The following CAMKMT variants were observed in gnomAD, a reference collection of about 807,000 sequenced individuals.
CAMKMT encodes CaM KMT.
A neutral mutation model predicts 48.0 loss-of-function variants in CAMKMT; 53 were observed. That is an observed-to-expected ratio of 1.10 (90% CI 0.89 to 1.39). The LOEUF is 1.39. Among genes scored for constraint, CAMKMT ranks in the 40% most tolerant of loss-of-function variants. The pLI, the probability that CAMKMT is intolerant of heterozygous loss-of-function variation, is 0.00. For synonymous variants in CAMKMT, 165 were observed against 152.3 expected, an observed-to-expected ratio of 1.08 and a Z score of -0.61; for missense variants, 428 against 402.7, an observed-to-expected ratio of 1.06 and a Z score of -0.54.
At chr2:44,755,474 T>C (rs1680332512) in intron 9 of CAMKMT, among the ~76,000 whole-genome samples, 1 of 152,218 alleles carries the variant, frequency 6.6e-6, no homozygotes, top group African/African-American at 2.4e-5. Context: ...TATGAAAATG[T>C]ATCATACATA....
At chr2:44,693,362 C>G (rs893743612) in intron 3 of CAMKMT, among the ~76,000 whole-genome samples, 1 of 152,220 alleles carries the variant, frequency 6.6e-6, no homozygotes, top group African/African-American at 2.4e-5. Flanking sequence ...CTCCTCCAGT[C>G]TTATCTTGTA....
intron 3 of CAMKMT, among the ~76,000 whole-genome samples, chr2:44,457,694 G>A (rs1048306694): frequency 6.6e-6 from 1 of 152,068 alleles, no homozygotes; most frequent in Non-Finnish European, 1.5e-5. Context: ...CACCGTGCCC[G>A]GCCCTTAAGT....
At chr2:44,471,911 C>A (rs746678145) in intron 3 of CAMKMT, among the ~76,000 whole-genome samples, 8 of 152,018 alleles carry the variant, frequency 5.3e-5, no homozygotes, top group Non-Finnish European at 1.2e-4. Flanking sequence ...AAACTACTGA[C>A]CTCAAGTGAT....
chr2:44,501,729 G>A (rs1016837146), intron 3 of CAMKMT, among the ~76,000 whole-genome samples: 15 of 151,990 alleles, frequency 9.9e-5, no homozygotes, highest in Non-Finnish European at 1.9e-4. Context: ...ATTAGAAAAC[G>A]TAAAGGAGCT....
chr2:44,549,633 C>G, intron 3 of CAMKMT: 1 of 623,150 alleles, frequency 1.6e-6, no homozygotes, highest in Non-Finnish European at 2.9e-6. Flanking sequence ...TCCTGAACTG[C>G]TCATATATTT....
At chr2:44,487,165 A>G (rs1669254688) in intron 3 of CAMKMT, among the ~76,000 whole-genome samples, 1 of 152,234 alleles carries the variant, frequency 6.6e-6, no homozygotes, top group African/African-American at 2.4e-5. Context: ...GAAACTTAAA[A>G]AGGCCTGGTA....
At chr2:44,518,807 A>G (rs1459250203) in intron 3 of CAMKMT, among the ~76,000 whole-genome samples, 1 of 152,224 alleles carries the variant, frequency 6.6e-6, no homozygotes, top group Non-Finnish European at 1.5e-5. Flanking sequence ...AAGTGAGTGC[A>G]TATTCATGAC....
intron 3 of CAMKMT, among the ~76,000 whole-genome samples, chr2:44,527,287 A>G (rs1399770198): frequency 1.4e-5 from 2 of 144,088 alleles, no homozygotes; most frequent in African/African-American, 5.1e-5. Flanking sequence ...TATATTATAT[A>G]TATATAATAT....
chr2:44,701,310 A>G (rs1253565130), intron 3 of CAMKMT, among the ~76,000 whole-genome samples: 2 of 152,162 alleles, frequency 1.3e-5, no homozygotes, highest in Non-Finnish European at 2.9e-5. Context: ...TAACCTGACT[A>G]TTTGATTGTA....
chr2:44,381,661 C>G (rs907272507), intron 2 of CAMKMT, among the ~76,000 whole-genome samples: 4 of 152,100 alleles, frequency 2.6e-5, no homozygotes, highest in African/African-American at 9.7e-5. Context: ...TGGGATATTA[C>G]TTAATGATGT....
chr2:44,478,402 TA>T (rs1668796945), intron 3 of CAMKMT, among the ~76,000 whole-genome samples: 1 of 152,218 alleles, frequency 6.6e-6, no homozygotes, highest in Admixed American at 6.5e-5. Context: ...ATATGGTGGA[TA>T]ATATTTTTTA....
chr2:44,394,291 G>C (rs1681617247), intron 3 of CAMKMT, among the ~76,000 whole-genome samples: 1 of 151,956 alleles, frequency 6.6e-6, no homozygotes, highest in Non-Finnish European at 1.5e-5. Context: ...TTTTTTTCTT[G>C]GTTGAGCTCC....
intron 3 of CAMKMT, among the ~76,000 whole-genome samples, chr2:44,659,636 T>C (rs1674575098): frequency 6.6e-6 from 1 of 151,994 alleles, no homozygotes; most frequent in Non-Finnish European, 1.5e-5. Context: ...TAAAGTTCCA[T>C]TCTCTTTATG....
intron 3 of CAMKMT, among the ~76,000 whole-genome samples, chr2:44,429,909 A>C (rs1406341984): frequency 6.6e-6 from 1 of 151,884 alleles, no homozygotes; most frequent in African/African-American, 2.4e-5. Context: ...GATCTTGTTA[A>C]AGTTTGTGAT....
At chr2:44,563,565 C>G (rs1668443094) in intron 3 of CAMKMT, among the ~76,000 whole-genome samples, 1 of 146,406 alleles carries the variant, frequency 6.8e-6, no homozygotes, top group African/African-American at 2.4e-5. Context: ...TGTTGGTTTG[C>G]TGCACCCATT....
At chr2:44,391,998 C>A (rs1459444497) in intron 3 of CAMKMT, 1 of 152,482 alleles carries the variant, frequency 6.6e-6, no homozygotes, top group Non-Finnish European at 1.5e-5. Flanking sequence ...TCTCTTAGGG[C>A]TGGCTGTGTT....
chr2:44,721,877 C>A (rs1166524662), intron 7 of CAMKMT, among the ~76,000 whole-genome samples: 1 of 151,978 alleles, frequency 6.6e-6, no homozygotes, highest in African/African-American at 2.4e-5. Flanking sequence ...GAAGGGGAGG[C>A]CCTCATACTC....
intron 3 of CAMKMT, among the ~76,000 whole-genome samples, chr2:44,668,398 C>T (rs193067804): frequency 3.3e-5 from 5 of 152,266 alleles, no homozygotes; most frequent in South Asian, 2.1e-4. Context: ...AAAATTATTC[C>T]GTTTCCTTCA....
intron 3 of CAMKMT, among the ~76,000 whole-genome samples, chr2:44,441,508 C>T (rs1250491916): frequency 1.3e-5 from 2 of 152,056 alleles, no homozygotes; most frequent in Non-Finnish European, 2.9e-5. Context: ...CTTGTGCACT[C>T]AATAGATGTA....
Sources: allele counts gnomAD v4.1 joint callset (sites outside exome capture counted in the v4.1 genomes callset), GRCh38; gene constraint gnomAD v4.1.1; transcripts MANE v1.5; gene names NCBI Gene and HGNC (gene_info 2026-07-23, HGNC 2026-07-21).